Variants in RASSF3 observed in about 807,000 individuals in gnomAD.
The protein encoded by RASSF3 is ras association domain-containing protein 3.
A neutral mutation model predicts 19.9 loss-of-function variants in RASSF3; 19 were observed. The ratio of observed to expected loss-of-function variants is 0.96; its 90% CI spans 0.67 to 1.40. RASSF3 has a LOEUF of 1.40. RASSF3 is among the 40% of genes most tolerant of loss of function. The pLI is 0.00. For missense variants in RASSF3, 306 were observed against 289.8 expected, an observed-to-expected ratio of 1.06 and a Z score of -0.41; for synonymous variants, 110 against 104.2, an observed-to-expected ratio of 1.06 and a Z score of -0.34.
intron 4 of RASSF3, among the ~76,000 whole-genome samples, chr12:64,691,894 C>G (rs1291960839): frequency 1.3e-5 from 2 of 152,106 alleles, no homozygotes; most frequent in Non-Finnish European, 2.9e-5. Context: ...CCCTTCCCAC[C>G]TCCAAAATAC....
In RASSF3 at chr12:64,588,075, C is replaced by T. The variant is rs950418590; in HGVS notation, c.294+46370C>T. On this transcript the variant is annotated intron_variant, in intron 2 of 5. Coordinates refer to the RASSF3 transcript ENST00000637125. ...TAATATCATAGGGAATCATTCTTTA[C>T]ATCCCCCCACAACCTTTTTTTTTGA... Among the ~76,000 whole-genome samples the T allele has an allele frequency of 6.6e-5, 10 of 152,158 alleles. 1 individual carries two copies. Among genetic ancestry groups the T allele is most frequent in the Admixed American group, 5.9e-4 (9 of 15,270 alleles).
chr12:64,680,577 GC>G, intron 1 of RASSF3, among the ~76,000 whole-genome samples: 1 of 152,112 alleles, frequency 6.6e-6, no homozygotes, highest in East Asian at 1.9e-4. Context: ...GGTTTTACCT[GC>G]TTTTCTGGGA....
chr12:64,510,855 T>C (rs570923732), intron 1 of RASSF3, among the ~76,000 whole-genome samples: 13 of 152,172 alleles, frequency 8.5e-5, no homozygotes, highest in Non-Finnish European at 1.8e-4. Flanking sequence ...AAGAGCATTG[T>C]AGGCTGCTGG....
chr12:64,603,171 T>TG (rs1555211451), intron 2 of RASSF3, among the ~76,000 whole-genome samples: 56 of 151,982 alleles, frequency 3.7e-4, no homozygotes, highest in African/African-American at 1.2e-3. Context: ...AACTTTTTTT[T>TG]TTGTTGTTGT....
intron 2 of RASSF3, among the ~76,000 whole-genome samples, chr12:64,577,272 T>C (rs1437693119): frequency 6.6e-6 from 1 of 152,234 alleles, no homozygotes. Flanking sequence ...ATGAAACTCA[T>C]GCATGCCCTT....
chr12:64,644,077 T>G (rs1396292089), intron 1 of RASSF3, among the ~76,000 whole-genome samples: 1 of 152,216 alleles, frequency 6.6e-6, no homozygotes, highest in Non-Finnish European at 1.5e-5. Context: ...TATTTTGCTC[T>G]GCAGGGATAG....
chr12:64,647,171 T>G (rs1205788838), intron 1 of RASSF3, among the ~76,000 whole-genome samples: 1 of 152,180 alleles, frequency 6.6e-6, no homozygotes, highest in African/African-American at 2.4e-5. Flanking sequence ...TCCCTCCACC[T>G]CCTGGCACCC....
chr12:64,639,416 G>A (rs1871434275), intron 1 of RASSF3, among the ~76,000 whole-genome samples: 1 of 151,578 alleles, frequency 6.6e-6, no homozygotes, highest in Admixed American at 6.6e-5. Flanking sequence ...CAGTGAATGT[G>A]GCTTATTTGG....
chr12:64,599,455 C>G (rs998640219), intron 2 of RASSF3, among the ~76,000 whole-genome samples: 1 of 152,206 alleles, frequency 6.6e-6, no homozygotes, highest in Non-Finnish European at 1.5e-5. Flanking sequence ...TTAAAAACCT[C>G]GAATACAATC....
intron 1 of RASSF3, among the ~76,000 whole-genome samples, chr12:64,520,281 G>A (rs1868444142): frequency 6.7e-6 from 1 of 148,962 alleles, no homozygotes; most frequent in Non-Finnish European, 1.5e-5. Flanking sequence ...CGATTCTTCT[G>A]CCTCCCAAGT....
chr12:64,672,994 C>G (rs1421692748), intron 1 of RASSF3, among the ~76,000 whole-genome samples: 1 of 152,194 alleles, frequency 6.6e-6, no homozygotes, highest in Non-Finnish European at 1.5e-5. Context: ...TCCTCGGTTG[C>G]TGCAGCATTC....
At chr12:64,595,616 C>G (rs1288523296) in intron 2 of RASSF3, among the ~76,000 whole-genome samples, 52 of 152,234 alleles carry the variant, frequency 3.4e-4, no homozygotes, top group Non-Finnish European at 1.5e-5. Flanking sequence ...AATTTGTAGG[C>G]CTCCATGTAC....
chr12:64,601,541 A>G (rs1186887963), intron 2 of RASSF3, among the ~76,000 whole-genome samples: 1 of 152,096 alleles, frequency 6.6e-6, no homozygotes, highest in Non-Finnish European at 1.5e-5. Flanking sequence ...CTATAAAATT[A>G]AGAATATGAC....
chr12:64,621,769 G>A (rs900960775), intron 1 of RASSF3, among the ~76,000 whole-genome samples: 1 of 152,310 alleles, frequency 6.6e-6, no homozygotes, highest in East Asian at 1.9e-4. Context: ...ACCGTGCCCG[G>A]CCCAGGCATT....
downstream of RASSF3, among the ~76,000 whole-genome samples, chr12:64,543,797 C>A (rs1203399977): frequency 1.3e-5 from 2 of 151,772 alleles, no homozygotes; most frequent in African/African-American, 2.4e-5. Context: ...GTATCTAGCT[C>A]AAGGTTTGTA....
chr12:64,647,860 G>A (rs1287209191), intron 1 of RASSF3, among the ~76,000 whole-genome samples: 1 of 152,124 alleles, frequency 6.6e-6, no homozygotes, highest in African/African-American at 2.4e-5. Context: ...TCCCAAGGTT[G>A]TTTTTAGGCC....
chr12:64,676,641 T>C (rs983770962), intron 1 of RASSF3, among the ~76,000 whole-genome samples: 1 of 151,646 alleles, frequency 6.6e-6, no homozygotes, highest in African/African-American at 2.4e-5. Context: ...CTGGCTAATT[T>C]TGTATTTTCA....
chr12:64,667,274 T>C (rs1872560930), intron 1 of RASSF3, among the ~76,000 whole-genome samples: 1 of 152,204 alleles, frequency 6.6e-6, no homozygotes, highest in Non-Finnish European at 1.5e-5. Context: ...CAGTTTCCAT[T>C]TATTAATTTC....
chr12:64,538,415 C>T (rs1040893180), intron 1 of RASSF3, among the ~76,000 whole-genome samples: 2 of 152,120 alleles, frequency 1.3e-5, no homozygotes, highest in Non-Finnish European at 2.9e-5. Flanking sequence ...TGTTGATGTA[C>T]GAGTGGTTAG....
Sources: allele counts gnomAD v4.1 joint callset (sites outside exome capture counted in the v4.1 genomes callset), GRCh38; gene constraint gnomAD v4.1.1; transcripts MANE v1.5; gene names NCBI Gene and HGNC (gene_info 2026-07-23, HGNC 2026-07-21).